WWOX: variants seen among roughly 807,000 people sequenced by gnomAD.
WWOX encodes the protein WW domain-containing oxidoreductase.
A neutral mutation model predicts 46.2 loss-of-function variants in WWOX; 69 were observed. The observed-to-expected ratio is 1.49, with a 90% CI of 1.23 to 1.82. The LOEUF (loss-of-function observed/expected upper bound fraction) is 1.82. WWOX is among the 40% of genes most tolerant of loss of function. The pLI is 0.00. For missense variants in WWOX, 919 were observed against 542.6 expected, an observed-to-expected ratio of 1.69 and a Z score of -6.89; for synonymous variants, 359 against 202.6, an observed-to-expected ratio of 1.77 and a Z score of -6.56.
intron 5 of WWOX, among the ~76,000 whole-genome samples, chr16:78,193,742 G>T (rs1398795638): frequency 6.6e-6 from 1 of 151,760 alleles, no homozygotes; most frequent in East Asian, 1.9e-4. Context: ...AACTAATTTG[G>T]GATTTTTGTT....
chr16:79,031,916 C>CTA (rs1186004791), intron 8 of WWOX, among the ~76,000 whole-genome samples: 2 of 85,194 alleles, frequency 2.3e-5, no homozygotes, highest in Non-Finnish European at 5.2e-5. Context: ...ATATAGATAT[C>CTA]TATATATATA....
At chr16:78,157,671 G>T (rs879383546) in intron 4 of WWOX, among the ~76,000 whole-genome samples, 1 of 152,212 alleles carries the variant, frequency 6.6e-6, no homozygotes, top group Admixed American at 6.5e-5. Flanking sequence ...ATTTCAGGTT[G>T]TCTCAGCAAT....
chr16:78,582,065 C>T (rs915621889), intron 8 of WWOX, among the ~76,000 whole-genome samples: 42 of 152,170 alleles, frequency 2.8e-4, no homozygotes, highest in African/African-American at 9.2e-4. Flanking sequence ...TGAGAAGGAA[C>T]GCTGGGTGCA....
At chr16:78,919,529 T>C (rs1013378464) in intron 8 of WWOX, among the ~76,000 whole-genome samples, 1 of 150,186 alleles carries the variant, frequency 6.7e-6, no homozygotes, top group Non-Finnish European at 1.5e-5. Context: ...GTTTTGTTTT[T>C]TTTTTTTTTG....
intron 8 of WWOX, among the ~76,000 whole-genome samples, chr16:78,764,155 C>G (rs982994699): frequency 5.9e-5 from 9 of 152,180 alleles, no homozygotes; most frequent in African/African-American, 2.2e-4. Flanking sequence ...CTGTGTTTCT[C>G]CTGTACTCAG....
chr16:79,197,874 T>C (rs537081823), intron 8 of WWOX, among the ~76,000 whole-genome samples: 4 of 152,128 alleles, frequency 2.6e-5, no homozygotes, highest in African/African-American at 9.7e-5. Context: ...GATATAAGGC[T>C]CTCACTTTCC....
chr16:79,002,501 G>C (rs187303009), intron 8 of WWOX, among the ~76,000 whole-genome samples: 3 of 152,116 alleles, frequency 2.0e-5, no homozygotes, highest in African/African-American at 7.2e-5. Flanking sequence ...GGGATTACAG[G>C]TGTGAGCCAC....
At chr16:78,206,545 C>A (rs1051454698) in intron 5 of WWOX, among the ~76,000 whole-genome samples, 9 of 152,122 alleles carry the variant, frequency 5.9e-5, no homozygotes, top group Non-Finnish European at 1.0e-4. Context: ...GAATGAGAAA[C>A]CATCTATAAA....
chr16:79,077,199 A>C (rs1236389509), intron 8 of WWOX, among the ~76,000 whole-genome samples: 1 of 152,164 alleles, frequency 6.6e-6, no homozygotes. Context: ...ACCAATCAGG[A>C]GCTTAAAACC....
chr16:78,681,851 G>T (rs751541085), intron 8 of WWOX, among the ~76,000 whole-genome samples: 1 of 152,140 alleles, frequency 6.6e-6, no homozygotes, highest in South Asian at 2.1e-4. Context: ...GTGAGACTCC[G>T]CTGGAGAGCT....
At chr16:79,048,211 A>G (rs940601567) in intron 8 of WWOX, among the ~76,000 whole-genome samples, 3 of 152,198 alleles carry the variant, frequency 2.0e-5, no homozygotes, top group Non-Finnish European at 4.4e-5. Flanking sequence ...AGGGCAGGCC[A>G]GGAGGGAGCT....
In WWOX at chr16:79,034,369, G is replaced by A. The variant is rs1186487840; in HGVS notation, c.1057-177239G>A. Reference sequence around the variant, plus strand: ...GTTTTGATAGGATTACATAAATAATGAAATTGTATGCAAAGCATCAGAATG... The same window carrying A: ...GTTTTGATAGGATTACATAAATAATAAAATTGTATGCAAAGCATCAGAATG... On this transcript the variant is annotated intron_variant, in intron 8 of 8. Transcript: ENST00000566780. Among the ~76,000 whole-genome samples, 5 of 152,200 alleles carry A rather than the reference G, an allele frequency of 3.3e-5. No homozygotes were observed. In the East Asian group the frequency reaches 9.6e-4, roughly 29 times the overall value.
intron 8 of WWOX, among the ~76,000 whole-genome samples, chr16:78,612,725 C>T (rs931193534): frequency 3.3e-5 from 5 of 152,142 alleles, no homozygotes; most frequent in African/African-American, 1.2e-4. Flanking sequence ...CATCCTCCAG[C>T]CTCAGCCTCC....
chr16:78,735,565 G>C (rs1249401229), intron 8 of WWOX, among the ~76,000 whole-genome samples: 1 of 152,182 alleles, frequency 6.6e-6, no homozygotes, highest in Non-Finnish European at 1.5e-5. Context: ...GATGCTCAGA[G>C]CATACCTGCA....
chr16:78,412,502 A>C (rs1445042673), intron 6 of WWOX, among the ~76,000 whole-genome samples: 1 of 152,108 alleles, frequency 6.6e-6, no homozygotes, highest in East Asian at 1.9e-4. Context: ...GATTTTAGAG[A>C]TGGAATGAAA....
intron 8 of WWOX, among the ~76,000 whole-genome samples, chr16:78,781,925 T>A (rs979280151): frequency 1.3e-5 from 2 of 152,198 alleles, no homozygotes; most frequent in Non-Finnish European, 2.9e-5. Flanking sequence ...AAAACAACCC[T>A]GTAAAATAAA....
chr16:78,446,886 T>A (rs945595824), intron 8 of WWOX, among the ~76,000 whole-genome samples: 2 of 152,050 alleles, frequency 1.3e-5, no homozygotes, highest in African/African-American at 4.8e-5. Flanking sequence ...GACATGAACT[T>A]CTGACCTCAA....
At chr16:78,613,655 T>C (rs771975307) in intron 8 of WWOX, among the ~76,000 whole-genome samples, 1 of 152,148 alleles carries the variant, frequency 6.6e-6, no homozygotes, top group African/African-American at 2.4e-5. Context: ...TTGCTAGAGA[T>C]GGCTGCAGAA....
chr16:79,166,193 A>G (rs2050590968), intron 8 of WWOX, among the ~76,000 whole-genome samples: 1 of 152,194 alleles, frequency 6.6e-6, no homozygotes, highest in Non-Finnish European at 1.5e-5. Flanking sequence ...GAAATTATAA[A>G]GAAATTGACT....
Sources: gnomAD v4.1 joint callset for allele counts (sites outside exome capture counted in the v4.1 genomes callset) on GRCh38, gnomAD v4.1.1 for gene constraint, MANE v1.5 for transcripts, NCBI Gene and HGNC (gene_info 2026-07-23, HGNC 2026-07-21) for gene names.